Variants in STK3 observed in about 807,000 individuals in gnomAD.
STK3 encodes the protein serine/threonine kinase 3.
STK3 carries 41 observed loss-of-function variants against 58.0 expected under a neutral mutation model. The observed-to-expected ratio is 0.71, with a 90% CI of 0.55 to 0.92. The LOEUF (loss-of-function observed/expected upper bound fraction) is 0.92, where lower values mean the gene tolerates loss of function less well. Among genes scored for constraint, STK3 ranks in the 40% least tolerant of loss-of-function variants. STK3 has a pLI of 0.00. For synonymous variants in STK3, 170 were observed against 191.0 expected (o/e 0.89, Z 0.91); for missense variants, 479 against 602.7 (o/e 0.79, Z 2.15).
At position 98,526,729 on chromosome 8, in the gene STK3, A is replaced by G; in HGVS notation, c.1317+13T>C. ...AGGAGAAAACATAAATTGAAGAATT[A>G]AAATGTACTTACAAAGTCAAAGTCT... On this transcript the variant is annotated intron_variant, in intron 10 of 10. Coordinates refer to ENST00000419617, the MANE Select transcript of STK3 (RefSeq NM_006281.4). 1 of 1,531,136 alleles carries G rather than the reference A, an allele frequency of 6.5e-7. No homozygotes were observed. The highest frequency in any genetic ancestry group is 8.8e-7 in the Non-Finnish European group (1 of 1,138,220). The allele number at this position is 1,531,136 out of a possible 1,614,324, so 94.8% of individuals were successfully genotyped here.
At chr8:98,898,715 C>CA (rs1838547580) in intron 1 of STK3, among the ~76,000 whole-genome samples, 1 of 152,188 alleles carries the variant, frequency 6.6e-6, no homozygotes. Context: ...GGCTAACTCA[C>CA]AAATGGCAGG....
chr8:98,766,717 C>T (rs1830973417), intron 3 of STK3, among the ~76,000 whole-genome samples: 1 of 152,208 alleles, frequency 6.6e-6, no homozygotes, highest in South Asian at 2.1e-4. Context: ...CATCCAGCCT[C>T]ATTTCTGCTT....
intron 4 of STK3, among the ~76,000 whole-genome samples, chr8:98,716,915 T>G (rs1376125986): frequency 6.6e-6 from 1 of 152,000 alleles, no homozygotes; most frequent in African/African-American, 2.4e-5. Context: ...GAACATTCAA[T>G]AGGAAATGAA....
rs778049177 is a variant in STK3 at position 98,562,737 on chromosome 8, G to GAAAAAAAAAAAAAAA, written c.949-14591_949-14577dup. The stretch of plus-strand genomic sequence containing the variant: ...TAAGACTCCCATCTCCACAAAAAAT[G>GAAAAAAAAAAAAAAA]AAAAAAAAAAAAAAAAAAAAAAAAA... On this transcript the variant is annotated intron_variant, in intron 8 of 10. Coordinates refer to ENST00000419617, the MANE Select transcript of STK3 (RefSeq NM_006281.4). 1.1e-4 allele frequency among the ~76,000 whole-genome samples: 2 copies of GAAAAAAAAAAAAAAA among 17,406 alleles called. 1 individual carries two copies. The highest frequency in any genetic ancestry group is 5.8e-4 in the African/African-American group (2 of 3,430). 11.4% of individuals were successfully genotyped at this position (17,406 alleles called of 152,430 possible). A position where few individuals can be genotyped will look rare whatever the true frequency, so the allele number is the denominator to read the frequency against.
intron 3 of STK3, among the ~76,000 whole-genome samples, chr8:98,865,347 G>T (rs1279241812): frequency 6.6e-6 from 1 of 152,010 alleles, no homozygotes; most frequent in Admixed American, 6.6e-5. Context: ...AATCCAAAAT[G>T]GCCATATAGT....
At chr8:98,729,222 T>C (rs980095690) in intron 4 of STK3, among the ~76,000 whole-genome samples, 1 of 152,194 alleles carries the variant, frequency 6.6e-6, no homozygotes, top group African/African-American at 2.4e-5. Context: ...GTGATTCTCA[T>C]GCCTCAGTCT....
intron 1 of STK3, among the ~76,000 whole-genome samples, chr8:98,820,583 C>T (rs1396765034): frequency 1.3e-5 from 2 of 152,306 alleles, no homozygotes; most frequent in East Asian, 3.9e-4. Flanking sequence ...AAGGTTCCAC[C>T]TGGTGAAGAG....
chr8:98,557,228 C>A (rs1040794600), intron 8 of STK3, among the ~76,000 whole-genome samples: 1 of 151,856 alleles, frequency 6.6e-6, no homozygotes, highest in East Asian at 1.9e-4. Context: ...TAACCTAGGT[C>A]GATAAATATA....
chr8:98,675,791 G>T (rs563426234), intron 6 of STK3, among the ~76,000 whole-genome samples: 1 of 151,952 alleles, frequency 6.6e-6, no homozygotes, highest in Non-Finnish European at 1.5e-5. Context: ...GTGAACCCGG[G>T]AGGCGGAGCT....
chr8:98,745,674 C>G (rs549495179), intron 4 of STK3, among the ~76,000 whole-genome samples: 2 of 151,986 alleles, frequency 1.3e-5, no homozygotes, highest in Non-Finnish European at 2.9e-5. Context: ...GCAGAGCAGA[C>G]CTTTTGACTG....
intron 1 of STK3, among the ~76,000 whole-genome samples, chr8:98,788,264 CCT>C (rs1440013047): frequency 3.3e-5 from 5 of 152,002 alleles, no homozygotes; most frequent in African/African-American, 1.2e-4. Flanking sequence ...ATGGTGAAAC[CCT>C]GTTTCTACTA....
chr8:98,678,224 C>A (rs955945291), intron 6 of STK3, among the ~76,000 whole-genome samples: 3 of 151,900 alleles, frequency 2.0e-5, no homozygotes, highest in African/African-American at 7.3e-5. Flanking sequence ...ATATCAGTTT[C>A]TTAAGGTTAA....
chr8:98,753,234 A>G (rs989918189), intron 3 of STK3, among the ~76,000 whole-genome samples: 5 of 152,230 alleles, frequency 3.3e-5, no homozygotes, highest in Non-Finnish European at 7.3e-5. Context: ...ATGCCCATCA[A>G]TGATAGACTG....
intron 9 of STK3, among the ~76,000 whole-genome samples, chr8:98,536,885 A>T (rs192842168): frequency 1.3e-5 from 2 of 152,342 alleles, no homozygotes; most frequent in Admixed American, 1.3e-4. Context: ...TTCAAACTTG[A>T]AGTCCACTAT....
chr8:98,387,331 A>G (rs1817800645), intron 1 of STK3, among the ~76,000 whole-genome samples: 1 of 152,266 alleles, frequency 6.6e-6, no homozygotes, highest in Non-Finnish European at 1.5e-5. Context: ...GAAAATAGAT[A>G]CAAATATAAA....
At chr8:98,748,481 A>C (rs565795450) in intron 4 of STK3, among the ~76,000 whole-genome samples, 1 of 152,214 alleles carries the variant, frequency 6.6e-6, no homozygotes, top group East Asian at 1.9e-4. Context: ...CAAACTTTAA[A>C]ATGATTCTGG....
chr8:98,494,814 G>A (rs1389359257), intron 10 of STK3, among the ~76,000 whole-genome samples: 1 of 152,098 alleles, frequency 6.6e-6, no homozygotes, highest in Non-Finnish European at 1.5e-5. Flanking sequence ...TGCTGGAAAA[G>A]CCCAGGCAAA....
intron 1 of STK3, among the ~76,000 whole-genome samples, chr8:98,884,470 C>A (rs898737424): frequency 2.0e-5 from 3 of 152,150 alleles, no homozygotes; most frequent in Non-Finnish European, 4.4e-5. Context: ...CATAATTTAT[C>A]AAGACTAAGG....
At chr8:98,560,614 T>C (rs1811935581) in intron 8 of STK3, among the ~76,000 whole-genome samples, 1 of 152,168 alleles carries the variant, frequency 6.6e-6, no homozygotes, top group Admixed American at 6.6e-5. Context: ...TCTTCCTAAC[T>C]TGATGTATAG....
Sources: gnomAD v4.1 joint callset for allele counts (sites outside exome capture counted in the v4.1 genomes callset) on GRCh38, gnomAD v4.1.1 for gene constraint, MANE v1.5 for transcripts, NCBI Gene and HGNC (gene_info 2026-07-23, HGNC 2026-07-21) for gene names.